SDK1: variants seen among roughly 807,000 people sequenced by gnomAD.
SDK1 encodes the protein protein sidekick-1.
Under a neutral mutation model 245.5 loss-of-function variants are expected in SDK1, and 157 were observed. The ratio of observed to expected loss-of-function variants is 0.64; its 90% CI spans 0.56 to 0.73. The LOEUF (loss-of-function observed/expected upper bound fraction) is 0.73, where lower values mean the gene tolerates loss of function less well. SDK1 is among the 30% of genes least tolerant of loss of function. The pLI, the probability that SDK1 is intolerant of heterozygous loss-of-function variation, is 0.00. For missense variants in SDK1, 3,583 were observed against 3,002.3 expected (o/e 1.19, Z -4.52); for synonymous variants, 1,647 against 1,278.5 (o/e 1.29, Z -6.15).
intron 5 of SDK1, among the ~76,000 whole-genome samples, chr7:3,912,672 C>T (rs909806258): frequency 1.3e-5 from 2 of 152,276 alleles, no homozygotes; most frequent in African/African-American, 4.8e-5. Context: ...TGGGCCCACC[C>T]CACGGATGGC....
chr7:3,426,635 C>T (rs1243381025), intron 1 of SDK1, among the ~76,000 whole-genome samples: 1 of 152,224 alleles, frequency 6.6e-6, no homozygotes, highest in Non-Finnish European at 1.5e-5. Flanking sequence ...CAACATCTGT[C>T]TCCAGTTAGT....
intron 3 of SDK1, among the ~76,000 whole-genome samples, chr7:3,641,032 A>G (rs970323104): frequency 3.3e-5 from 5 of 151,628 alleles, no homozygotes; most frequent in Non-Finnish European, 7.4e-5. Context: ...TTGATAACAA[A>G]TTTCATTTTC....
intron 25 of SDK1, among the ~76,000 whole-genome samples, chr7:4,116,737 G>A (rs573518785): frequency 6.6e-5 from 10 of 152,350 alleles, no homozygotes; most frequent in Admixed American, 3.3e-4. Context: ...CAGTAGCAGG[G>A]AGAAGCAGAA....
At chr7:3,349,084 A>G (rs1780586285) in intron 1 of SDK1, among the ~76,000 whole-genome samples, 1 of 151,942 alleles carries the variant, frequency 6.6e-6, no homozygotes. Flanking sequence ...AGTGCACTTC[A>G]GTTTTGTCGT....
chr7:3,456,765 G>T (rs1253452235), intron 1 of SDK1, among the ~76,000 whole-genome samples: 1 of 152,118 alleles, frequency 6.6e-6, no homozygotes, highest in Non-Finnish European at 1.5e-5. Flanking sequence ...GTTGTGATGT[G>T]TGACTTTGAA....
At chr7:3,308,096 G>A (rs1233649606) in intron 1 of SDK1, among the ~76,000 whole-genome samples, 1 of 152,112 alleles carries the variant, frequency 6.6e-6, no homozygotes, top group African/African-American at 2.4e-5. Context: ...CCTAAAAATG[G>A]TTCATGTTCA....
intron 34 of SDK1, among the ~76,000 whole-genome samples, chr7:4,177,616 A>G (rs1167316385): frequency 1.3e-5 from 2 of 152,148 alleles, no homozygotes; most frequent in Non-Finnish European, 2.9e-5. Flanking sequence ...AGGTTATGTT[A>G]TGTATTCTAA....
chr7:3,491,165 C>T (rs553161719), intron 1 of SDK1, among the ~76,000 whole-genome samples: 8 of 152,288 alleles, frequency 5.3e-5, no homozygotes, highest in East Asian at 3.9e-4. Context: ...TTTGATTTTA[C>T]GGAAGTATGT....
chr7:4,047,409 G>A lies in SDK1; in HGVS notation c.2603-1939G>A, dbSNP rs548808849. ...ATTTTATTTTCTAATATTTTGTTGAGGATTTTTTTGAATTTGTGTTCATGA... is the reference window on the plus strand; with the variant it reads ...ATTTTATTTTCTAATATTTTGTTGAAGATTTTTTTGAATTTGTGTTCATGA... On this transcript the variant is annotated intron_variant, in intron 17 of 44. Transcript: ENST00000404826. 3.9e-4 allele frequency among the ~76,000 whole-genome samples: 50 copies of A among 127,884 alleles called. 1 individual carries two copies. The highest frequency in any genetic ancestry group is 2.3e-3 in the African/African-American group (49 of 21,280). The allele number at this position is 127,884 out of a possible 152,430, so 83.9% of individuals were successfully genotyped here.
intron 1 of SDK1, among the ~76,000 whole-genome samples, chr7:3,461,934 A>G (rs1214293936): frequency 2.0e-5 from 3 of 152,124 alleles, no homozygotes; most frequent in Admixed American, 6.5e-5. Context: ...TAACCAGATC[A>G]GTTTCATCGG....
intron 5 of SDK1, among the ~76,000 whole-genome samples, chr7:3,857,525 A>C (rs114164732): frequency 0.014 from 2,114 of 152,190 alleles, 54 homozygotes; most frequent in African/African-American, 0.049. Context: ...TCTACAAAAA[A>C]TAATAAAAGA....
chr7:3,855,452 A>C (rs920802096), intron 5 of SDK1, among the ~76,000 whole-genome samples: 1 of 152,188 alleles, frequency 6.6e-6, no homozygotes, highest in African/African-American at 2.4e-5. Flanking sequence ...TTAAACATTG[A>C]TTGTTGCAAT....
intron 14 of SDK1, among the ~76,000 whole-genome samples, chr7:3,993,383 G>A (rs1784487001): frequency 6.6e-6 from 1 of 151,962 alleles, no homozygotes; most frequent in South Asian, 2.1e-4. Context: ...AACACCTGCT[G>A]TTGTATGTCT....
chr7:4,069,327 G>T (rs570496092), intron 20 of SDK1, among the ~76,000 whole-genome samples: 38 of 152,328 alleles, frequency 2.5e-4, no homozygotes, highest in Non-Finnish European at 5.1e-4. Flanking sequence ...CATTACCAAG[G>T]ATTTCTAGCA....
chr7:3,734,989 T>A (rs542341537), intron 4 of SDK1, among the ~76,000 whole-genome samples: 2 of 152,284 alleles, frequency 1.3e-5, no homozygotes, highest in East Asian at 3.9e-4. Flanking sequence ...GTGTTCCTCA[T>A]TCTCCCCATG....
At chr7:3,488,216 C>T (rs1034454352) in intron 1 of SDK1, among the ~76,000 whole-genome samples, 2 of 152,156 alleles carry the variant, frequency 1.3e-5, no homozygotes, top group African/African-American at 4.8e-5. Flanking sequence ...CACTCCTCCT[C>T]CCCAATTTTA....
At chr7:3,852,518 C>A (rs1232989396) in intron 5 of SDK1, among the ~76,000 whole-genome samples, 2 of 151,358 alleles carry the variant, frequency 1.3e-5, no homozygotes, top group East Asian at 1.9e-4. Context: ...GAGGCCGAGG[C>A]GGGCGGATCA....
intron 4 of SDK1, among the ~76,000 whole-genome samples, chr7:3,728,200 A>C (rs1330225103): frequency 6.6e-6 from 1 of 152,236 alleles, no homozygotes; most frequent in South Asian, 2.1e-4. Flanking sequence ...CCGCTGAGGT[A>C]GTACTTATCA....
chr7:3,444,343 C>G (rs1052851804), intron 1 of SDK1, among the ~76,000 whole-genome samples: 2 of 152,126 alleles, frequency 1.3e-5, no homozygotes, highest in Non-Finnish European at 2.9e-5. Flanking sequence ...TTCTTAGTGT[C>G]ACTTTAATTT....
Sources: allele counts gnomAD v4.1 joint callset (sites outside exome capture counted in the v4.1 genomes callset), GRCh38; gene constraint gnomAD v4.1.1; transcripts MANE v1.5; gene names NCBI Gene and HGNC (gene_info 2026-07-23, HGNC 2026-07-21).